Variants in SPAG16 observed in about 807,000 individuals in gnomAD.
SPAG16 encodes the protein sperm associated antigen 16.
In SPAG16, 86 loss-of-function variants were observed where a neutral mutation model predicts 80.4. The ratio of observed to expected loss-of-function variants is 1.07; its 90% CI spans 0.90 to 1.28. The LOEUF (loss-of-function observed/expected upper bound fraction) is 1.28, where lower values mean the gene tolerates loss of function less well. Among genes scored for constraint, SPAG16 ranks in the 50% most tolerant of loss-of-function variants. The pLI is 0.00. For missense variants in SPAG16, 870 were observed against 765.3 expected (o/e 1.14, Z -1.61); for synonymous variants, 294 against 265.9 (o/e 1.11, Z -1.03).
intron 10 of SPAG16, among the ~76,000 whole-genome samples, chr2:213,774,688 A>C (rs6739421): frequency 0.27 from 40,551 of 152,038 alleles, 5,888 homozygotes; most frequent in Middle Eastern, 0.37. Flanking sequence ...AAAATACCAG[A>C]TATTTGTGTA....
At chr2:213,644,042 A>G (rs776066740) in intron 10 of SPAG16, among the ~76,000 whole-genome samples, 5 of 150,660 alleles carry the variant, frequency 3.3e-5, no homozygotes, top group Non-Finnish European at 7.4e-5. Context: ...CAGCCTCCCA[A>G]AATGCTGGGA....
At chr2:213,408,198 T>A (rs2068772276) in intron 9 of SPAG16, among the ~76,000 whole-genome samples, 1 of 152,136 alleles carries the variant, frequency 6.6e-6, no homozygotes, top group Non-Finnish European at 1.5e-5. Context: ...TAATTGAAGG[T>A]CTTCTCCGTG....
intron 13 of SPAG16, among the ~76,000 whole-genome samples, chr2:214,094,995 T>C (rs981692002): frequency 6.6e-6 from 1 of 152,018 alleles, no homozygotes; most frequent in African/African-American, 2.4e-5. Flanking sequence ...GGAGGACTGC[T>C]TAAGGACTTT....
intron 11 of SPAG16, among the ~76,000 whole-genome samples, chr2:213,891,565 A>T (rs2076785961): frequency 6.6e-6 from 1 of 152,128 alleles, no homozygotes; most frequent in Non-Finnish European, 1.5e-5. Context: ...AAAAGAAAAG[A>T]TGATTAAAAG....
chr2:213,406,529 T>C (rs2068614778), intron 9 of SPAG16, among the ~76,000 whole-genome samples: 1 of 152,182 alleles, frequency 6.6e-6, no homozygotes, highest in African/African-American at 2.4e-5. Flanking sequence ...TGAACCAAAA[T>C]AAGTCAAAGC....
chr2:213,639,261 G>A (rs1031624869), intron 10 of SPAG16, among the ~76,000 whole-genome samples: 3 of 152,092 alleles, frequency 2.0e-5, no homozygotes, highest in South Asian at 4.1e-4. Flanking sequence ...TGAGATATGA[G>A]GTACTATTCT....
chr2:213,541,714 G>A (rs1010833290), intron 10 of SPAG16, among the ~76,000 whole-genome samples: 1 of 152,128 alleles, frequency 6.6e-6, no homozygotes, highest in East Asian at 1.9e-4. Context: ...TAAAGAACAA[G>A]AATTTCAGAC....
chr2:213,372,090 C>T (rs1005171583), intron 8 of SPAG16, among the ~76,000 whole-genome samples: 2 of 151,936 alleles, frequency 1.3e-5, no homozygotes, highest in Non-Finnish European at 2.9e-5. Context: ...TGACACTATA[C>T]AGAAAGCACT....
At chr2:214,224,462 A>G (rs1204011419) in intron 15 of SPAG16, among the ~76,000 whole-genome samples, 5 of 152,216 alleles carry the variant, frequency 3.3e-5, no homozygotes, top group Non-Finnish European at 7.3e-5. Flanking sequence ...TATAAGTACA[A>G]TCACAGATGA....
intron 13 of SPAG16, among the ~76,000 whole-genome samples, chr2:214,022,938 T>C (rs1252549635): frequency 2.0e-5 from 3 of 152,064 alleles, no homozygotes; most frequent in Non-Finnish European, 4.4e-5. Flanking sequence ...CCTTCTTTCC[T>C]GATAATGACA....
At chr2:214,364,526 G>A (rs751508235) in intron 15 of SPAG16, among the ~76,000 whole-genome samples, 15 of 152,076 alleles carry the variant, frequency 9.9e-5, no homozygotes, top group Non-Finnish European at 2.2e-4. Context: ...AGTCATCAGA[G>A]TGCTATTTAT....
chr2:213,932,540 G>T (rs2078812346), intron 12 of SPAG16, among the ~76,000 whole-genome samples: 1 of 151,946 alleles, frequency 6.6e-6, no homozygotes, highest in Non-Finnish European at 1.5e-5. Context: ...AATTTATATT[G>T]GTAGACAGTA....
intron 3 of SPAG16, among the ~76,000 whole-genome samples, chr2:213,300,381 G>T (rs947353209): frequency 6.6e-6 from 1 of 152,164 alleles, no homozygotes; most frequent in Non-Finnish European, 1.5e-5. Flanking sequence ...AAGCGAGAAT[G>T]TTCTTTACCA....
intron 9 of SPAG16, among the ~76,000 whole-genome samples, chr2:213,378,958 A>G (rs1460142739): frequency 2.0e-5 from 3 of 152,156 alleles, no homozygotes; most frequent in Non-Finnish European, 4.4e-5. Flanking sequence ...GACTGATTTC[A>G]TCTTGATAGT....
At chr2:214,063,904 G>A (rs187411176) in intron 13 of SPAG16, among the ~76,000 whole-genome samples, 4 of 151,828 alleles carry the variant, frequency 2.6e-5, no homozygotes, top group Admixed American at 1.3e-4. Context: ...AGGAATTTTC[G>A]ACTGTTTTGT....
intron 14 of SPAG16, among the ~76,000 whole-genome samples, chr2:214,146,979 G>A (rs1421982471): frequency 1.3e-5 from 2 of 148,552 alleles, no homozygotes; most frequent in East Asian, 4.0e-4. Context: ...TCCAGCTTGG[G>A]TGACAGAGCG....
At chr2:213,710,838 G>T (rs80153034) in intron 10 of SPAG16, among the ~76,000 whole-genome samples, 10,143 of 152,196 alleles carry the variant, frequency 0.067, 1,058 homozygotes, top group African/African-American at 0.22. Flanking sequence ...CTCCCATCCT[G>T]ATATAATGTA....
At chr2:213,463,686 G>A (rs2072511367) in intron 9 of SPAG16, among the ~76,000 whole-genome samples, 1 of 152,266 alleles carries the variant, frequency 6.6e-6, no homozygotes, top group African/African-American at 2.4e-5. Flanking sequence ...GAGGATGTAT[G>A]GAAATGCCTG....
At chr2:213,361,520 C>G (rs1204924961) in intron 7 of SPAG16, among the ~76,000 whole-genome samples, 3 of 151,144 alleles carry the variant, frequency 2.0e-5, no homozygotes, top group African/African-American at 7.3e-5. Flanking sequence ...TCTAATATCA[C>G]TCTGTAATAA....
Sources: allele counts gnomAD v4.1 joint callset (sites outside exome capture counted in the v4.1 genomes callset), GRCh38; gene constraint gnomAD v4.1.1; transcripts MANE v1.5; gene names NCBI Gene and HGNC (gene_info 2026-07-23, HGNC 2026-07-21).